The following ADAMTS12 variants were observed in gnomAD, a reference collection of about 807,000 sequenced individuals.
The protein encoded by ADAMTS12 is A disintegrin and metalloproteinase with thrombospondin motifs 12.
ADAMTS12 carries 118 observed loss-of-function variants against 167.8 expected under a neutral mutation model. That is an observed-to-expected ratio of 0.70 (90% CI 0.61 to 0.82). The LOEUF is 0.82. Ranked by LOEUF, ADAMTS12 falls within the 40% of genes least tolerant of loss-of-function variation. The pLI, the probability that ADAMTS12 is intolerant of heterozygous loss-of-function variation, is 0.00. For synonymous variants in ADAMTS12, 704 were observed against 716.9 expected, an observed-to-expected ratio of 0.98 and a Z score of 0.29; for missense variants, 1,916 against 1,998.8, an observed-to-expected ratio of 0.96 and a Z score of 0.79.
chr5:33,554,476 T>C lies in ADAMTS12; in HGVS notation c.4126-5093A>G, dbSNP rs1428483250. On this transcript the variant is annotated intron_variant, in intron 20 of 23. Transcript: ENST00000504830. ...TCTTAATCTGAAATGCTCAGGGGTG[T>C]CAAGAGAGTGTGATGGTTTAGACAT... 2.0e-5 allele frequency among the ~76,000 whole-genome samples: 3 copies of C among 152,272 alleles called. No homozygotes were observed. In the East Asian group the frequency reaches 5.8e-4, roughly 29 times the overall value.
At chr5:33,595,646 TG>T (rs142548255) in intron 17 of ADAMTS12, among the ~76,000 whole-genome samples, 2,638 of 152,330 alleles carry the variant, frequency 0.017, 79 homozygotes, top group African/African-American at 0.06. Context: ...AAACTACTTT[TG>T]GGTGATCCAC....
chr5:33,869,125 T>C (rs1749941198), intron 2 of ADAMTS12, among the ~76,000 whole-genome samples: 1 of 152,084 alleles, frequency 6.6e-6, no homozygotes, highest in South Asian at 2.1e-4. Flanking sequence ...GAGAAAAGAA[T>C]GGTTTTGTGG....
chr5:33,659,610 A>G (rs1488342335), intron 6 of ADAMTS12, among the ~76,000 whole-genome samples: 1 of 152,182 alleles, frequency 6.6e-6, no homozygotes, highest in African/African-American at 2.4e-5. Flanking sequence ...GTGGCTAACA[A>G]AAGAATTATA....
At chr5:33,891,637 T>A in intron 1 of ADAMTS12, 93 bp downstream of exon 1, 1 of 1,577,340 alleles carries the variant, frequency 6.3e-7, no homozygotes, top group Non-Finnish European at 8.6e-7. Context: ...CAGAGTTCAG[T>A]TCTGCCGGGT....
intron 9 of ADAMTS12, among the ~76,000 whole-genome samples, chr5:33,646,479 A>T (rs1388939981): frequency 1.3e-5 from 2 of 152,198 alleles, no homozygotes; most frequent in Non-Finnish European, 2.9e-5. Context: ...AACTTGTCTC[A>T]TTTGACTTTA....
At chr5:33,734,797 G>A (rs957592099) in intron 3 of ADAMTS12, among the ~76,000 whole-genome samples, 58 of 152,306 alleles carry the variant, frequency 3.8e-4, no homozygotes, top group African/African-American at 1.3e-3. Context: ...ATCAACTGGG[G>A]TGTCTGCTCA....
At chr5:33,727,199 C>T (rs1226164248) in intron 3 of ADAMTS12, among the ~76,000 whole-genome samples, 3 of 152,180 alleles carry the variant, frequency 2.0e-5, no homozygotes, top group Admixed American at 6.5e-5. Context: ...CTGTGGCTGC[C>T]GCTGGACCTG....
intron 3 of ADAMTS12, among the ~76,000 whole-genome samples, chr5:33,709,898 C>T (rs779459798): frequency 7.2e-5 from 11 of 152,048 alleles, no homozygotes; most frequent in Non-Finnish European, 1.5e-4. Context: ...ATCCAATCTA[C>T]CATGAAAATA....
At chr5:33,830,333 C>G (rs1271257424) in intron 2 of ADAMTS12, among the ~76,000 whole-genome samples, 1 of 152,114 alleles carries the variant, frequency 6.6e-6, no homozygotes, top group African/African-American at 2.4e-5. Context: ...TGATCGATAT[C>G]ACAATTTGAT....
At chr5:33,550,037 C>T (rs1745178676) in intron 20 of ADAMTS12, among the ~76,000 whole-genome samples, 1 of 152,200 alleles carries the variant, frequency 6.6e-6, no homozygotes, top group Non-Finnish European at 1.5e-5. Context: ...GTGCAGCCAT[C>T]ACTGAGAGTC....
intron 2 of ADAMTS12, among the ~76,000 whole-genome samples, chr5:33,847,451 C>T (rs4866393): frequency 0.34 from 51,168 of 151,876 alleles, 8,828 homozygotes; most frequent in African/African-American, 0.4. Context: ...GGAGAAACCC[C>T]GTCTCTACTA....
chr5:33,527,191 G>C lies in ADAMTS12; in HGVS notation c.4782C>G (p.Leu1594=). 1 of 1,614,172 alleles carries C rather than the reference G, an allele frequency of 6.2e-7. No individual in the cohort carries two copies. The highest frequency in any genetic ancestry group is 1.1e-5 in the South Asian group (1 of 91,074). The change falls in exon 24 of 24, where the codon CTC becomes CTG. Residue 1594 remains leucine (L), a synonymous_variant. Transcript: ENST00000504830. ...GGAAGCTGGCTTCCTTTTGGGCTTAGAGTTCTTTTGACTTTTGGAGCAACC... is the reference window on the plus strand; with the variant it reads ...GGAAGCTGGCTTCCTTTTGGGCTTACAGTTCTTTTGACTTTTGGAGCAACC... The part of the protein sequence containing the change: ...RQRLLQKSKE[L]
intron 16 of ADAMTS12, among the ~76,000 whole-genome samples, chr5:33,597,966 G>A (rs966901924): frequency 2.0e-5 from 3 of 152,110 alleles, no homozygotes; most frequent in East Asian, 1.9e-4. Flanking sequence ...ATCTGTGCAC[G>A]AATAGCAAAG....
rs530978367 is a variant in ADAMTS12 at position 33,881,296 on chromosome 5, A to C, written c.312T>G (p.Phe104Leu). Reference protein sequence around the residue: ...RISHEEKDLFFNLTVNQGFLS... With the variant: ...RISHEEKDLFLNLTVNQGFLS... ...GAAATCCTTGATTGACCGTCAAGTT[A>C]AAAAACAGGTCCTTCTCCTCGTGAG... The change falls in exon 2 of 24, where the codon TTT (phenylalanine) becomes TTG (leucine). Residue 104 changes from phenylalanine to leucine, a missense_variant. Coordinates refer to ENST00000504830, the MANE Select transcript of ADAMTS12 (RefSeq NM_030955.4). The C allele has an allele frequency of 2.5e-6, 4 of 1,614,192 alleles. No individual in the cohort carries two copies. The African/African-American group carries it at 5.3e-5, about 22-fold the overall frequency.
intron 2 of ADAMTS12, among the ~76,000 whole-genome samples, chr5:33,781,966 T>C (rs1579931067): frequency 6.6e-6 from 1 of 152,184 alleles, no homozygotes. Flanking sequence ...CTTGCGATAG[T>C]GTAAACTCTT....
chr5:33,722,632 T>C (rs1743845110), intron 3 of ADAMTS12, among the ~76,000 whole-genome samples: 1 of 152,194 alleles, frequency 6.6e-6, no homozygotes, highest in African/African-American at 2.4e-5. Flanking sequence ...ACAGTTTGGC[T>C]ATGCAGAAAC....
At chr5:33,612,107 T>C (rs1738755783) in intron 16 of ADAMTS12, among the ~76,000 whole-genome samples, 1 of 152,270 alleles carries the variant, frequency 6.6e-6, no homozygotes, top group South Asian at 2.1e-4. Context: ...TTTCATTCTC[T>C]ATGTTTGAGA....
chr5:33,677,113 T>G (rs1161524470), intron 5 of ADAMTS12, among the ~76,000 whole-genome samples: 2 of 152,224 alleles, frequency 1.3e-5, no homozygotes, highest in Admixed American at 6.5e-5. Flanking sequence ...CAACATCATA[T>G]GACCCTGATT....
At chr5:33,830,069 AG>A (rs1283673319) in intron 2 of ADAMTS12, among the ~76,000 whole-genome samples, 1 of 152,242 alleles carries the variant, frequency 6.6e-6, no homozygotes, top group Non-Finnish European at 1.5e-5. Flanking sequence ...AATCAAAGCT[AG>A]GATCTCAAAT....
Sources: allele counts gnomAD v4.1 joint callset (sites outside exome capture counted in the v4.1 genomes callset), GRCh38; gene constraint gnomAD v4.1.1; transcripts MANE v1.5; gene names NCBI Gene and HGNC (gene_info 2026-07-23, HGNC 2026-07-21).